The following GPC6 variants were observed in gnomAD, a reference collection of about 807,000 sequenced individuals.
The protein encoded by GPC6 is glypican 6.
In GPC6, 14 loss-of-function variants were observed where a neutral mutation model predicts 55.2. That is an observed-to-expected ratio of 0.25 (90% CI 0.17 to 0.40). The LOEUF is 0.40. Ranked by LOEUF, GPC6 falls within the 10% of genes least tolerant of loss-of-function variation. The pLI, the probability that GPC6 is intolerant of heterozygous loss-of-function variation, is 1.00. For missense variants in GPC6, 641 were observed against 708.5 expected (o/e 0.90, Z 1.08); for synonymous variants, 278 against 259.6 (o/e 1.07, Z -0.68).
chr13:94,179,374 A>G (rs1047910105), intron 4 of GPC6, among the ~76,000 whole-genome samples: 10 of 152,168 alleles, frequency 6.6e-5, no homozygotes, highest in Admixed American at 6.5e-4. Flanking sequence ...AAAGGGCATG[A>G]GCTTACCCAT....
intron 2 of GPC6, among the ~76,000 whole-genome samples, chr13:93,701,747 AC>A (rs772170341): frequency 1.4e-4 from 21 of 152,046 alleles, no homozygotes; most frequent in Non-Finnish European, 2.8e-4. Flanking sequence ...CTCCAGGACT[AC>A]ATTCCACCTC....
intron 2 of GPC6, among the ~76,000 whole-genome samples, chr13:93,767,868 C>T (rs1885172032): frequency 6.6e-6 from 1 of 152,102 alleles, no homozygotes; most frequent in South Asian, 2.1e-4. Context: ...CCTTTGGATT[C>T]TTGTTGTTAA....
At chr13:93,384,812 G>A (rs1376619853) in intron 1 of GPC6, among the ~76,000 whole-genome samples, 2 of 152,128 alleles carry the variant, frequency 1.3e-5, no homozygotes, top group Non-Finnish European at 1.5e-5. Context: ...ATACCCTCCC[G>A]TGGTTTAGAA....
At chr13:94,195,135 T>G (rs1566529129) in intron 4 of GPC6, among the ~76,000 whole-genome samples, 2 of 152,220 alleles carry the variant, frequency 1.3e-5, no homozygotes. Context: ...GAGTGGTAAG[T>G]ACTGGTGTCC....
intron 1 of GPC6, among the ~76,000 whole-genome samples, chr13:93,264,889 T>TAG (rs966336438): frequency 4.0e-4 from 61 of 152,304 alleles, no homozygotes; most frequent in African/African-American, 1.4e-3. Context: ...AACCCATGGA[T>TAG]AGAGGGCTTA....
intron 2 of GPC6, among the ~76,000 whole-genome samples, chr13:93,663,766 T>C (rs2139616755): frequency 6.6e-6 from 1 of 152,324 alleles, no homozygotes; most frequent in East Asian, 1.9e-4. Flanking sequence ...TCACTTCATC[T>C]TTCTATTAAA....
chr13:93,512,783 A>C (rs1237304542), intron 1 of GPC6, among the ~76,000 whole-genome samples: 2 of 152,222 alleles, frequency 1.3e-5, no homozygotes, highest in African/African-American at 4.8e-5. Context: ...TTTGTAGCTA[A>C]ATGGTAGGTT....
intron 2 of GPC6, among the ~76,000 whole-genome samples, chr13:93,826,982 C>A (rs1887284457): frequency 6.6e-6 from 1 of 152,174 alleles, no homozygotes; most frequent in African/African-American, 2.4e-5. Context: ...TGAATAAAAT[C>A]TTCCCAGAGG....
intron 6 of GPC6, among the ~76,000 whole-genome samples, chr13:94,355,325 G>T (rs1483764039): frequency 6.6e-6 from 1 of 151,986 alleles, no homozygotes; most frequent in Non-Finnish European, 1.5e-5. Flanking sequence ...GCCCGGCCGT[G>T]GCTCTTCTCT....
intron 1 of GPC6, among the ~76,000 whole-genome samples, chr13:93,382,264 A>G (rs1282680196): frequency 1.3e-5 from 2 of 152,210 alleles, no homozygotes; most frequent in African/African-American, 4.8e-5. Flanking sequence ...CTTGAATCCT[A>G]GAAATGATAT....
At chr13:94,144,404 AACACACACACAC>A (rs59772537) in intron 4 of GPC6, among the ~76,000 whole-genome samples, 4 of 143,422 alleles carry the variant, frequency 2.8e-5, no homozygotes, top group African/African-American at 7.8e-5. Flanking sequence ...GTGCTTTTAA[AACACACACACAC>A]ACACACACAC....
At chr13:94,078,142 T>G (rs1884982532) in intron 4 of GPC6, among the ~76,000 whole-genome samples, 1 of 151,800 alleles carries the variant, frequency 6.6e-6, no homozygotes, top group African/African-American at 2.4e-5. Flanking sequence ...ATGTGGAAAT[T>G]TAATAATATA....
At chr13:93,752,396 C>G (rs1325599906) in intron 2 of GPC6, among the ~76,000 whole-genome samples, 1 of 150,992 alleles carries the variant, frequency 6.6e-6, no homozygotes, top group Non-Finnish European at 1.5e-5. Flanking sequence ...AAATGCTATG[C>G]TCTTCACACA....
intron 2 of GPC6, among the ~76,000 whole-genome samples, chr13:93,747,369 A>C (rs1884431181): frequency 6.6e-6 from 1 of 152,184 alleles, no homozygotes; most frequent in Non-Finnish European, 1.5e-5. Context: ...AAGAGACTGT[A>C]CAGTCAAACC....
At position 93,780,665 on chromosome 13, in the gene GPC6, T is replaced by C. The variant is rs969982748; in HGVS notation, c.320-49489T>C. Among the ~76,000 whole-genome samples, 4 of 152,060 alleles carry C rather than the reference T, an allele frequency of 2.6e-5. No homozygotes were observed. The East Asian group carries it at 7.7e-4, about 29-fold the overall frequency. On this transcript the variant is annotated intron_variant, in intron 2 of 8. Coordinates refer to ENST00000377047, the MANE Select transcript of GPC6 (RefSeq NM_005708.5). ...TTTTAAGATGTAACTTCTATGCTTA[T>C]CTAAGGTTACTCCTATTAAAGGTTT...
At chr13:93,816,935 A>G (rs1886873935) in intron 2 of GPC6, among the ~76,000 whole-genome samples, 1 of 152,164 alleles carries the variant, frequency 6.6e-6, no homozygotes, top group South Asian at 2.1e-4. Context: ...GGTGAAGCTT[A>G]TGTTTCAGGT....
chr13:93,399,461 G>A (rs1163782068), intron 1 of GPC6, among the ~76,000 whole-genome samples: 1 of 152,182 alleles, frequency 6.6e-6, no homozygotes, highest in Non-Finnish European at 1.5e-5. Context: ...ATCAATAAAT[G>A]AATGTGTGTG....
intron 3 of GPC6, among the ~76,000 whole-genome samples, chr13:93,940,399 T>C (rs572460789): frequency 2.5e-3 from 371 of 148,674 alleles, no homozygotes; most frequent in Non-Finnish European, 3.5e-3. Context: ...GACGGTTGGA[T>C]GAATGGATGG....
chr13:93,831,873 G>A (rs1036934641), intron 3 of GPC6, among the ~76,000 whole-genome samples: 5 of 150,150 alleles, frequency 3.3e-5, no homozygotes, highest in East Asian at 2.0e-4. Context: ...GGCAGATCTC[G>A]AGGGCAGGAG....
Sources: gnomAD v4.1 joint callset for allele counts (sites outside exome capture counted in the v4.1 genomes callset) on GRCh38, gnomAD v4.1.1 for gene constraint, MANE v1.5 for transcripts, NCBI Gene and HGNC (gene_info 2026-07-23, HGNC 2026-07-21) for gene names.